PROM1: variants seen among roughly 807,000 people sequenced by gnomAD.
The protein encoded by PROM1 is prominin 1.
Under a neutral mutation model 116.9 loss-of-function variants are expected in PROM1, and 105 were observed. That is an observed-to-expected ratio of 0.90 (90% CI 0.77 to 1.06). PROM1 has a LOEUF of 1.06. Among genes scored for constraint, PROM1 ranks in the 50% least tolerant of loss-of-function variants. PROM1 has a pLI of 0.00. For missense variants in PROM1, 1,122 were observed against 1,045.2 expected, an observed-to-expected ratio of 1.07 and a Z score of -1.01; for synonymous variants, 393 against 387.0, an observed-to-expected ratio of 1.02 and a Z score of -0.18.
At chr4:15,999,301 C>G (rs1041716629) in intron 14 of PROM1, among the ~76,000 whole-genome samples, 1 of 151,906 alleles carries the variant, frequency 6.6e-6, no homozygotes, top group South Asian at 2.1e-4. Context: ...GAAACCCCGT[C>G]TCTACTAAAA....
At chr4:16,068,173 G>A (rs902014339) in intron 2 of PROM1, among the ~76,000 whole-genome samples, 10 of 152,116 alleles carry the variant, frequency 6.6e-5, no homozygotes, top group Admixed American at 3.9e-4. Flanking sequence ...AGAACCCGGA[G>A]TCCTGATGAG....
At chr4:16,043,378 G>A (rs1329673942) in intron 2 of PROM1, among the ~76,000 whole-genome samples, 1 of 152,182 alleles carries the variant, frequency 6.6e-6, no homozygotes, top group East Asian at 1.9e-4. Flanking sequence ...GAGTGCAGTG[G>A]TGCCATCATA....
At chr4:16,039,295 T>A (rs1196272204) in intron 2 of PROM1, among the ~76,000 whole-genome samples, 1 of 152,234 alleles carries the variant, frequency 6.6e-6, no homozygotes, top group African/African-American at 2.4e-5. Context: ...GCAAACCGCA[T>A]ACAGCTTATT....
chr4:16,042,701 C>A (rs775530149), intron 2 of PROM1, among the ~76,000 whole-genome samples: 2 of 152,048 alleles, frequency 1.3e-5, no homozygotes, highest in Admixed American at 6.5e-5. Context: ...TTGCAAATAA[C>A]CTTTAAAAAC....
At chr4:16,026,162 C>G (rs1300257174) in intron 5 of PROM1, among the ~76,000 whole-genome samples, 2 of 151,980 alleles carry the variant, frequency 1.3e-5, no homozygotes, top group African/African-American at 4.8e-5. Flanking sequence ...AAAGCCTTCT[C>G]TATGTGAAAA....
intron 18 of PROM1, among the ~76,000 whole-genome samples, chr4:15,990,452 A>G (rs1298897624): frequency 2.6e-5 from 4 of 152,164 alleles, no homozygotes; most frequent in Non-Finnish European, 5.9e-5. Flanking sequence ...CTCATCACTT[A>G]CTATTGGTAA....
At chr4:16,042,632 C>A (rs1278202949) in intron 2 of PROM1, among the ~76,000 whole-genome samples, 1 of 152,066 alleles carries the variant, frequency 6.6e-6, no homozygotes, top group African/African-American at 2.4e-5. Context: ...GAAGACAGAC[C>A]AGTGGCTGTT....
chr4:16,061,763 G>A (rs1219435510), intron 2 of PROM1, among the ~76,000 whole-genome samples: 1 of 152,152 alleles, frequency 6.6e-6, no homozygotes, highest in South Asian at 2.1e-4. Context: ...ACAGGGCCAT[G>A]GTCCTTCTGA....
At chr4:16,014,540 T>C (rs1033518950) in intron 10 of PROM1, among the ~76,000 whole-genome samples, 4 of 152,210 alleles carry the variant, frequency 2.6e-5, no homozygotes, top group Non-Finnish European at 5.9e-5. Flanking sequence ...GGTAAACACA[T>C]GTAGACAAGT....
chr4:15,985,551 G>A (rs1719150899), intron 22 of PROM1: 1 of 562,534 alleles, frequency 1.8e-6, no homozygotes, highest in Non-Finnish European at 3.1e-6. Context: ...AACTGCATAT[G>A]GCAAAGGTGA....
intron 22 of PROM1, chr4:15,985,379 A>C (rs749152492): frequency 1.9e-5 from 4 of 212,944 alleles, no homozygotes; most frequent in Non-Finnish European, 3.7e-5. Flanking sequence ...ATTCTCTCTG[A>C]GCCTCGGTTT....
chr4:16,063,333 C>T (rs542982188), intron 2 of PROM1, among the ~76,000 whole-genome samples: 13 of 152,326 alleles, frequency 8.5e-5, no homozygotes, highest in African/African-American at 2.4e-4. Flanking sequence ...CGCAGTGGCT[C>T]ACGACTGTAA....
intron 27 of PROM1, among the ~76,000 whole-genome samples, chr4:15,970,384 G>A (rs1268680253): frequency 6.6e-6 from 1 of 151,770 alleles, no homozygotes; most frequent in Non-Finnish European, 1.5e-5. Context: ...TGTTGGCCAG[G>A]CTGGTTTTGA....
At chr4:15,993,249 T>C (rs1226342117) in intron 16 of PROM1, among the ~76,000 whole-genome samples, 1 of 152,172 alleles carries the variant, frequency 6.6e-6, no homozygotes, top group Non-Finnish European at 1.5e-5. Flanking sequence ...GGGATCCCTT[T>C]GTTTCTGCTC....
intron 14 of PROM1, among the ~76,000 whole-genome samples, chr4:15,998,883 T>G (rs1722983088): frequency 6.6e-6 from 1 of 152,052 alleles, no homozygotes; most frequent in Non-Finnish European, 1.5e-5. Flanking sequence ...TGGCTAGTTT[T>G]GTAGTTTTAG....
chr4:15,990,761 C>T (rs112465290), intron 18 of PROM1, among the ~76,000 whole-genome samples: 1 of 152,206 alleles, frequency 6.6e-6, no homozygotes, highest in African/African-American at 2.4e-5. Flanking sequence ...TGCCCGCCAG[C>T]GCCATGACAG....
intron 8 of PROM1, among the ~76,000 whole-genome samples, chr4:16,019,556 T>G (rs1427274404): frequency 6.6e-6 from 1 of 152,076 alleles, no homozygotes; most frequent in Non-Finnish European, 1.5e-5. Context: ...CCCAGAAAAA[T>G]TGTTTGCTAT....
Position 15,987,704 on chromosome 4 carries a change from G to A in PROM1, c.2089C>T (p.Gln697Ter). The A allele has an allele frequency of 1.2e-6, 2 of 1,610,174 alleles. No individual in the cohort carries two copies. The highest frequency in any genetic ancestry group is 1.7e-5 in the Admixed American group (1 of 59,424). ...PIEQSLSTLY[Q>*]SVKILQRTGN... is the part of the protein sequence containing the mutation. ...GTGCGTTGAAGTATCTTGACGCTTT[G>A]GTATAGAGTGCTCTGGCAAGAAACA... The change falls in exon 20 of 28, where the codon CAA (glutamine) becomes TAA (stop). Residue 697 changes from glutamine to a stop codon, truncating the protein, a stop_gained. Coordinates refer to ENST00000447510, the MANE Select transcript of PROM1 (RefSeq NM_006017.3). LOFTEE classifies it high-confidence loss of function.
At position 16,071,094 on chromosome 4, in the gene PROM1, C is replaced by T. The variant is rs566750312; in HGVS notation, c.220+4593G>A. ...TGGAATGGACACTGCATCCATTTCCCCTATTCCCTTTTGTTTCATTTTGAA... is the reference window on the plus strand; with the variant it reads ...TGGAATGGACACTGCATCCATTTCCTCTATTCCCTTTTGTTTCATTTTGAA... On this transcript the variant is annotated intron_variant, in intron 2 of 27. Coordinates refer to ENST00000447510, the MANE Select transcript of PROM1 (RefSeq NM_006017.3). 2.2e-4 allele frequency among the ~76,000 whole-genome samples: 33 copies of T among 152,212 alleles called. No individual in the cohort carries two copies. The South Asian group carries it at 3.1e-3, about 14-fold the overall frequency.
Sources: allele counts gnomAD v4.1 joint callset (sites outside exome capture counted in the v4.1 genomes callset), GRCh38; gene constraint gnomAD v4.1.1; transcripts MANE v1.5; gene names NCBI Gene and HGNC (gene_info 2026-07-23, HGNC 2026-07-21).